Variants in LRRC69 observed in about 807,000 individuals in gnomAD.
The protein encoded by LRRC69 is leucine-rich repeat-containing protein 69.
A neutral mutation model predicts 37.8 loss-of-function variants in LRRC69; 42 were observed. That is an observed-to-expected ratio of 1.11 (90% confidence interval 0.87 to 1.44). LRRC69 has a LOEUF of 1.44. Among genes scored for constraint, LRRC69 ranks in the 40% most tolerant of loss-of-function variants. The pLI is 0.00. For missense variants in LRRC69, 357 were observed against 401.9 expected (o/e 0.89, Z 0.96); for synonymous variants, 141 against 143.1 (o/e 0.99, Z 0.11).
chr8:91,149,347 T>G (rs1175957555), intron 5 of LRRC69, among the ~76,000 whole-genome samples: 1 of 152,070 alleles, frequency 6.6e-6, no homozygotes, highest in Non-Finnish European at 1.5e-5. Context: ...AGGGAATCCT[T>G]TCTCCATTTC....
chr8:91,194,308 CT>C (rs1447446062), intron 6 of LRRC69, among the ~76,000 whole-genome samples: 1 of 150,040 alleles, frequency 6.7e-6, no homozygotes, highest in Non-Finnish European at 1.5e-5. Flanking sequence ...CTAAAATTCT[CT>C]TTTTTGGTTG....
At position 91,114,457 on chromosome 8, in the gene LRRC69, A is replaced by G. The variant is rs563477365; in HGVS notation, c.184-10036A>G. Reference sequence around the variant, plus strand: ...AATGTTTGTGTATGTGTGTGTGTGTATATATATATGTATGTATGCACATAT... The same window carrying G: ...AATGTTTGTGTATGTGTGTGTGTGTGTATATATATGTATGTATGCACATAT... On this transcript the variant is annotated intron_variant, in intron 1 of 7. Transcript: ENST00000448384. 4.0e-4 allele frequency among the ~76,000 whole-genome samples: 31 copies of G among 76,846 alleles called. 1 individual carries two copies. The highest frequency in any genetic ancestry group is 3.3e-3 in the Admixed American group (30 of 9,010). The allele number at this position is 76,846 out of a possible 152,430, so 50.4% of individuals were successfully genotyped here.
intron 1 of LRRC69, among the ~76,000 whole-genome samples, chr8:91,104,325 T>G (rs1182153396): frequency 6.6e-6 from 1 of 152,006 alleles, no homozygotes; most frequent in Non-Finnish European, 1.5e-5. Flanking sequence ...TTATAACACT[T>G]ACAGCTTTTA....
rs1813685070 is a variant in LRRC69 at position 91,124,485 on chromosome 8, G to A, written c.184-8G>A. The A allele has an allele frequency of 1.3e-6, 2 of 1,524,216 alleles. No individual in the cohort carries two copies. The highest frequency in any genetic ancestry group is 2.5e-5 in the East Asian group (1 of 40,246). The allele number at this position is 1,524,216 out of a possible 1,614,324, so 94.4% of individuals were successfully genotyped here. A position where few individuals can be genotyped will look rare whatever the true frequency, so the allele number is the denominator to read the frequency against. On this transcript the variant is annotated splice_region_variant and splice_polypyrimidine_tract_variant and intron_variant, in intron 1 of 7. Coordinates refer to ENST00000448384, the Ensembl canonical transcript of LRRC69. ...ATATGAGTCCATTAAACCTCTATATGTTTGCAGTTGACAACACTAAATCTG... is the reference window on the plus strand; with the variant it reads ...ATATGAGTCCATTAAACCTCTATATATTTGCAGTTGACAACACTAAATCTG...
intron 3 of LRRC69, among the ~76,000 whole-genome samples, chr8:91,127,834 C>G (rs1813746866): frequency 6.6e-6 from 1 of 151,914 alleles, no homozygotes; most frequent in Admixed American, 6.6e-5. Context: ...AGAGCAGCAT[C>G]CAGGGTTTTA....
intron 5 of LRRC69, among the ~76,000 whole-genome samples, chr8:91,159,534 T>G (rs1808899224): frequency 6.6e-6 from 1 of 151,176 alleles, no homozygotes; most frequent in Non-Finnish European, 1.5e-5. Context: ...ATTTCTTTAT[T>G]TTCACATACA....
Position 91,200,596 on chromosome 8 carries a change from T to A in LRRC69, c.754-17T>A. On this transcript the variant is annotated splice_polypyrimidine_tract_variant and intron_variant, in intron 6 of 7. Transcript: ENST00000448384. ...TTGAAAACAATCTGAGGAACTGTAT[T>A]TTTTTTTTCAATTTAGGAAATAACA... The A allele has an allele frequency of 1.4e-6, 2 of 1,395,262 alleles. No homozygotes were observed. The highest frequency in any genetic ancestry group is 1.9e-6 in the Non-Finnish European group (2 of 1,063,554). The allele number at this position is 1,395,262 out of a possible 1,614,324, so 86.4% of individuals were successfully genotyped here.
intron 5 of LRRC69, among the ~76,000 whole-genome samples, chr8:91,147,796 C>T (rs935423528): frequency 5.9e-5 from 9 of 151,614 alleles, no homozygotes; most frequent in African/African-American, 1.9e-4. Flanking sequence ...TTTGCTGTAC[C>T]TATCAACCCA....
exon 7 of LRRC69, chr8:91,200,707 TCTCTCAGGG>T: frequency 6.5e-7 from 1 of 1,534,764 alleles, no homozygotes; most frequent in Middle Eastern, 1.7e-4. Context: ...AGGAGCATGA[TCTCTCAGGG>T]AAAAACATGT....
rs187476236 is a variant in LRRC69 at position 91,165,583 on chromosome 8, C to T, written c.652-23939C>T. 1.8e-4 allele frequency among the ~76,000 whole-genome samples: 28 copies of T among 151,674 alleles called. 1 individual carries two copies. The highest frequency in any genetic ancestry group is 3.4e-4 in the Non-Finnish European group (23 of 67,874). Reference sequence around the variant, plus strand: ...GCAAGATTTCTCAGGTGGTTTGGTGCGTATTTGGACCTCAGATTTTTTTCT... The same window carrying T: ...GCAAGATTTCTCAGGTGGTTTGGTGTGTATTTGGACCTCAGATTTTTTTCT... On this transcript the variant is annotated intron_variant, in intron 5 of 7. Coordinates refer to ENST00000448384, the Ensembl canonical transcript of LRRC69.
intron 5 of LRRC69, chr8:91,138,978 G>A (rs993878800): frequency 6.6e-6 from 1 of 151,376 alleles, no homozygotes; most frequent in Non-Finnish European, 1.5e-5. Context: ...TATCACTCAA[G>A]CCTGGGAGGT....
Position 91,217,510 on chromosome 8 carries a change from G to T in LRRC69, c.934-1380G>T, listed in dbSNP as rs1810073185. Among the ~76,000 whole-genome samples the T allele has an allele frequency of 2.6e-5, 4 of 152,204 alleles. No homozygotes were observed. In the South Asian group the frequency reaches 8.3e-4, roughly 32 times the overall value. ...GAATGTCCTGGGGCTGATGTTCATT[G>T]GCTTCCTTGAACTGTCTTGCCTTAT... On this transcript the variant is annotated intron_variant, in intron 7 of 7. Coordinates refer to ENST00000448384, the Ensembl canonical transcript of LRRC69.
chr8:91,146,292 A>C (rs1808617432), intron 5 of LRRC69, among the ~76,000 whole-genome samples: 1 of 151,784 alleles, frequency 6.6e-6, no homozygotes, highest in Non-Finnish European at 1.5e-5. Context: ...AAATTTCAGC[A>C]ACATTCACCT....
chr8:91,128,294 A>G (rs966281079), intron 3 of LRRC69, among the ~76,000 whole-genome samples: 7 of 152,058 alleles, frequency 4.6e-5, no homozygotes, highest in Admixed American at 2.0e-4. Context: ...TTTTGCAGCT[A>G]TAACACGTTA....
intron 1 of LRRC69, among the ~76,000 whole-genome samples, chr8:91,112,190 A>AT (rs1813420119): frequency 6.6e-6 from 1 of 152,058 alleles, no homozygotes; most frequent in African/African-American, 2.4e-5. Flanking sequence ...TGAAAATGTC[A>AT]TTCAGAAGTG....
chr8:91,171,103 A>T (rs1352662937), intron 5 of LRRC69, among the ~76,000 whole-genome samples: 7 of 152,004 alleles, frequency 4.6e-5, no homozygotes, highest in Middle Eastern at 3.2e-3. Context: ...TAATTTTTTT[A>T]AAATAGTCAA....
At chr8:91,192,965 T>C (rs1364570215) in intron 6 of LRRC69, among the ~76,000 whole-genome samples, 4 of 151,628 alleles carry the variant, frequency 2.6e-5, no homozygotes, top group Non-Finnish European at 5.9e-5. Context: ...TCTTCTAGGG[T>C]TTTTTACGGT....
intron 7 of LRRC69, among the ~76,000 whole-genome samples, chr8:91,211,679 A>G (rs1008652979): frequency 8.9e-5 from 13 of 145,738 alleles, no homozygotes; most frequent in African/African-American, 3.0e-4. Flanking sequence ...TAATTTGTTA[A>G]TTATCTCTTC....
intron 5 of LRRC69, among the ~76,000 whole-genome samples, chr8:91,173,679 G>T (rs1191753428): frequency 1.3e-5 from 2 of 152,044 alleles, no homozygotes; most frequent in African/African-American, 4.8e-5. Context: ...TTATAAATTT[G>T]GGATGTTCAA....
Sources: gnomAD v4.1 joint callset for allele counts (sites outside exome capture counted in the v4.1 genomes callset) on GRCh38, gnomAD v4.1.1 for gene constraint, MANE v1.5 for transcripts, NCBI Gene and HGNC (gene_info 2026-07-23, HGNC 2026-07-21) for gene names.